The following ZBTB20 variants were observed in gnomAD, a reference collection of about 807,000 sequenced individuals.
ZBTB20 encodes zinc finger and BTB domain containing 20, also known as zinc finger and BTB domain-containing protein 20.
In ZBTB20, 9 loss-of-function variants were observed where a neutral mutation model predicts 56.9. The observed-to-expected ratio is 0.16, with a 90% CI of 0.10 to 0.28. The LOEUF (loss-of-function observed/expected upper bound fraction) is 0.28. Ranked by LOEUF, ZBTB20 falls within the 10% of genes least tolerant of loss-of-function variation. ZBTB20 has a pLI of 1.00. For synonymous variants in ZBTB20, 417 were observed against 420.7 expected, an observed-to-expected ratio of 0.99 and a Z score of 0.11; for missense variants, 655 against 1,003.0, an observed-to-expected ratio of 0.65 and a Z score of 4.69.
intron 1 of ZBTB20, among the ~76,000 whole-genome samples, chr3:115,123,443 T>C (rs1420069663): frequency 2.6e-5 from 4 of 152,154 alleles, no homozygotes; most frequent in African/African-American, 7.2e-5. Context: ...ACAAAAGAAG[T>C]AAGCATTCTA....
chr3:114,589,544 G>C (rs2055530479), intron 6 of ZBTB20, among the ~76,000 whole-genome samples: 1 of 152,116 alleles, frequency 6.6e-6, no homozygotes, highest in South Asian at 2.1e-4. Context: ...TTTATAGATT[G>C]ACCATTTAAT....
intron 3 of ZBTB20, among the ~76,000 whole-genome samples, chr3:114,973,578 T>C (rs934868272): frequency 3.3e-5 from 5 of 152,190 alleles, no homozygotes; most frequent in African/African-American, 4.8e-5. Flanking sequence ...ATGTTTGAGG[T>C]GTGCACTGGT....
intron 5 of ZBTB20, among the ~76,000 whole-genome samples, chr3:114,765,977 A>T (rs2068759283): frequency 6.6e-6 from 1 of 152,192 alleles, no homozygotes; most frequent in Non-Finnish European, 1.5e-5. Context: ...AGGAAGATAA[A>T]TATCAACTTA....
At chr3:114,976,575 A>C (rs2078108529) in intron 2 of ZBTB20, among the ~76,000 whole-genome samples, 1 of 151,922 alleles carries the variant, frequency 6.6e-6, no homozygotes, top group Non-Finnish European at 1.5e-5. Flanking sequence ...GCAGTGAGCC[A>C]AGATCGCGCC....
chr3:114,831,087 C>CTTTTTTTTTTTT (rs57265260), intron 4 of ZBTB20, among the ~76,000 whole-genome samples: 2 of 55,550 alleles, frequency 3.6e-5, no homozygotes, highest in African/African-American at 4.9e-5. Context: ...TTTCTTTCTT[C>CTTTTTTTTTTTT]TTTTTTTTTT....
Position 114,337,937 on chromosome 3 carries a change from T to C in ZBTB20, c.*1068A>G, listed in dbSNP as rs1300253416. On this transcript the variant is annotated 3_prime_UTR_variant, in exon 12 of 12. Transcript: ENST00000675478. ...TGTTTTTTTTTTTACACAAATACTG[T>C]TGTAAATATATTAAAAAAATCAGCA... 3 of 151,794 alleles carry C rather than the reference T, an allele frequency of 2.0e-5. No homozygotes were observed. Among genetic ancestry groups the C allele is most frequent in the African/African-American group, 7.3e-5 (3 of 41,364 alleles). 9.4% of individuals were successfully genotyped at this position (151,794 alleles called of 1,614,324 possible).
intron 7 of ZBTB20, among the ~76,000 whole-genome samples, chr3:114,449,096 A>G (rs1422970990): frequency 6.6e-6 from 1 of 152,098 alleles, no homozygotes; most frequent in Non-Finnish European, 1.5e-5. Flanking sequence ...CTTTCTTTTT[A>G]ATACATTTAA....
At chr3:114,638,749 C>CA (rs1282178528) in intron 6 of ZBTB20, among the ~76,000 whole-genome samples, 1 of 151,898 alleles carries the variant, frequency 6.6e-6, no homozygotes, top group African/African-American at 2.4e-5. Flanking sequence ...AATTATATGA[C>CA]AAAAATTTGT....
intron 2 of ZBTB20, among the ~76,000 whole-genome samples, chr3:115,006,745 C>T (rs1294662204): frequency 6.6e-6 from 1 of 151,682 alleles, no homozygotes; most frequent in Non-Finnish European, 1.5e-5. Context: ...ACATACCAGG[C>T]TGGAGGAACT....
At chr3:114,986,092 G>A (rs2078527624) in intron 2 of ZBTB20, among the ~76,000 whole-genome samples, 1 of 152,068 alleles carries the variant, frequency 6.6e-6, no homozygotes, top group Non-Finnish European at 1.5e-5. Context: ...ATCAGAAAGT[G>A]TGTTAGGAGG....
chr3:115,103,024 T>C (rs2083626186), intron 1 of ZBTB20: 1 of 152,004 alleles, frequency 6.6e-6, no homozygotes, highest in Non-Finnish European at 1.5e-5. Context: ...TCAAAACTTT[T>C]CCCATATCTG....
chr3:114,602,139 C>T (rs1017124812), intron 6 of ZBTB20, among the ~76,000 whole-genome samples: 2 of 151,984 alleles, frequency 1.3e-5, no homozygotes. Flanking sequence ...GAACAAGAAT[C>T]TCACTAGTTC....
chr3:114,754,898 CATTG>C (rs919874409), intron 5 of ZBTB20, among the ~76,000 whole-genome samples: 151 of 152,242 alleles, frequency 9.9e-4, no homozygotes, highest in African/African-American at 3.6e-3. Flanking sequence ...AATAAACCCT[CATTG>C]ATTGTTGTAG....
chr3:115,031,024 C>G (rs1379427554), intron 2 of ZBTB20, among the ~76,000 whole-genome samples: 2 of 151,308 alleles, frequency 1.3e-5, no homozygotes, highest in Non-Finnish European at 3.0e-5. Context: ...TACATACATC[C>G]CTTCATAATT....
intron 5 of ZBTB20, among the ~76,000 whole-genome samples, chr3:114,772,784 G>A (rs1037828651): frequency 1.3e-5 from 2 of 152,030 alleles, no homozygotes; most frequent in Non-Finnish European, 2.9e-5. Flanking sequence ...ACCCCAAAAT[G>A]CCCACTGCCT....
chr3:114,908,885 C>T (rs2075417006), intron 3 of ZBTB20, among the ~76,000 whole-genome samples: 1 of 151,184 alleles, frequency 6.6e-6, no homozygotes, highest in African/African-American at 2.4e-5. Context: ...AGGAATTTAC[C>T]TACCATAAAA....
At chr3:114,874,943 G>A (rs537421442) in intron 4 of ZBTB20, among the ~76,000 whole-genome samples, 2 of 152,220 alleles carry the variant, frequency 1.3e-5, no homozygotes, top group Non-Finnish European at 2.9e-5. Flanking sequence ...TATGCTACAG[G>A]GGGGAGGAGC....
chr3:114,808,654 T>C (rs2072295548), intron 4 of ZBTB20, among the ~76,000 whole-genome samples: 1 of 151,958 alleles, frequency 6.6e-6, no homozygotes, highest in Non-Finnish European at 1.5e-5. Flanking sequence ...ATTTTCTCTA[T>C]TATTTTCATT....
At chr3:115,128,481 T>C (rs2084398900) in intron 1 of ZBTB20, among the ~76,000 whole-genome samples, 1 of 151,558 alleles carries the variant, frequency 6.6e-6, no homozygotes, top group East Asian at 2.0e-4. Context: ...CTGGCCAACA[T>C]GGTGAAAGCT....
Sources: gnomAD v4.1 joint callset for allele counts (sites outside exome capture counted in the v4.1 genomes callset) on GRCh38, gnomAD v4.1.1 for gene constraint, MANE v1.5 for transcripts, NCBI Gene and HGNC (gene_info 2026-07-23, HGNC 2026-07-21) for gene names.